PKD1L1: variants seen among roughly 807,000 people sequenced by gnomAD.
PKD1L1 encodes polycystin-1-like protein 1.
In PKD1L1, 236 loss-of-function variants were observed where a neutral mutation model predicts 323.4. The observed-to-expected ratio is 0.73, with a 90% CI of 0.66 to 0.81. The LOEUF is 0.81. Among genes scored for constraint, PKD1L1 ranks in the 40% least tolerant of loss-of-function variants. PKD1L1 has a pLI of 0.00. For missense variants in PKD1L1, 3,320 were observed against 3,508.0 expected, an observed-to-expected ratio of 0.95 and a Z score of 1.35; for synonymous variants, 1,344 against 1,335.0, an observed-to-expected ratio of 1.01 and a Z score of -0.15.
rs146531621 is a variant in PKD1L1 at position 47,878,555 on chromosome 7, C to A, written c.3521-924G>T. 2.6e-4 allele frequency among the ~76,000 whole-genome samples: 39 copies of A among 152,296 alleles called. No homozygotes were observed. The East Asian group carries it at 7.3e-3, about 29-fold the overall frequency. On this transcript the variant is annotated intron_variant, in intron 21 of 56. Transcript: ENST00000289672. Reference sequence around the variant, plus strand: ...TTATCTTATTTAACAGTCACATTAACCATGGAAGACAGATCTCATAACAAA... The same window carrying A: ...TTATCTTATTTAACAGTCACATTAAACATGGAAGACAGATCTCATAACAAA...
In PKD1L1 at chr7:47,812,026, G is replaced by A. The variant is rs1232542682; in HGVS notation, c.7372C>T (p.Arg2458Ter). Residue 2458 changes from arginine to a stop codon, truncating the protein, a stop_gained, in exon 50 of 57, where the codon CGA becomes TGA. Transcript: ENST00000289672. LOFTEE classifies it high-confidence loss of function. Reference protein sequence around the residue: ...TRTEAHTALSRLRASMWIDRS... With the variant: ...TRTEAHTALS ...TCAATCCACATGCTGGCCCTGAGTC[G>A]GGACAGGGCTGTGTGGGCTTCAGTC... 8 of 1,569,410 alleles carry A rather than the reference G, an allele frequency of 5.1e-6. No individual in the cohort carries two copies. Among genetic ancestry groups the A allele is most frequent in the East Asian group, 2.4e-5 (1 of 42,158 alleles).
Position 47,881,012 on chromosome 7 carries a change from G to A in PKD1L1, c.3443-207C>T, listed in dbSNP as rs1275938755. Among the ~76,000 whole-genome samples the A allele has an allele frequency of 2.0e-5, 3 of 151,848 alleles. No individual in the cohort carries two copies. In the East Asian group the frequency reaches 5.9e-4, roughly 30 times the overall value. ...CCTGCCCAACAGAAGCATTACTGAG[G>A]ATGGTCCATCCATCCCTGGCTCAGA... is the stretch of plus-strand genomic sequence containing the variant. On this transcript the variant is annotated intron_variant, in intron 20 of 56. Transcript: ENST00000289672.
Position 47,931,223 on chromosome 7 carries a change from C to A in PKD1L1, c.618G>T (p.Thr206=), listed in dbSNP as rs370757738. ...TCGTGACAGTCCCAGGAAGCAGCCCCGTGGCCACATCCTCCGCACAGCACA... is the reference window on the plus strand; with the variant it reads ...TCGTGACAGTCCCAGGAAGCAGCCCAGTGGCCACATCCTCCGCACAGCACA... ...RLLCCAEDVA[T]GLLPGTVTME... The change falls in exon 6 of 57, where the codon ACG becomes ACT. Residue 206 remains threonine (T), a synonymous_variant. Transcript: ENST00000289672. The A allele has an allele frequency of 9.0e-5, 145 of 1,614,120 alleles. No individual in the cohort carries two copies. Among genetic ancestry groups the A allele is most frequent in the Non-Finnish European group, 1.1e-4 (130 of 1,180,050 alleles).
chr7:47,807,083 G>T (rs1784794913), intron 52 of PKD1L1, among the ~76,000 whole-genome samples: 1 of 152,132 alleles, frequency 6.6e-6, no homozygotes, highest in African/African-American at 2.4e-5. Context: ...ATGCAGCCCA[G>T]GCTTCTGCTG....
intron 31 of PKD1L1, among the ~76,000 whole-genome samples, chr7:47,850,053 A>C (rs2128740333): frequency 6.6e-6 from 1 of 152,288 alleles, no homozygotes; most frequent in East Asian, 1.9e-4. Flanking sequence ...AAAAGACTAC[A>C]CATAGGGTGC....
chr7:47,948,107 G>C (rs577357591), intron 1 of PKD1L1, among the ~76,000 whole-genome samples: 1 of 152,166 alleles, frequency 6.6e-6, no homozygotes, highest in Admixed American at 6.5e-5. Context: ...GAAAGTCCTC[G>C]AACTTGGAAG....
chr7:47,775,662 A>C (rs912720115), intron 56 of PKD1L1, among the ~76,000 whole-genome samples: 5 of 152,312 alleles, frequency 3.3e-5, no homozygotes, highest in Non-Finnish European at 2.9e-5. Flanking sequence ...GTAGCACTAA[A>C]TGCCTATATT....
At chr7:47,906,264 A>C (rs1787204677) in intron 9 of PKD1L1, among the ~76,000 whole-genome samples, 1 of 152,206 alleles carries the variant, frequency 6.6e-6, no homozygotes, top group Admixed American at 6.5e-5. Flanking sequence ...TTGTTTTTAA[A>C]GTATTTCTCA....
chr7:47,903,318 T>C (rs138562931), intron 12 of PKD1L1, among the ~76,000 whole-genome samples: 1 of 151,990 alleles, frequency 6.6e-6, no homozygotes, highest in East Asian at 1.9e-4. Flanking sequence ...TTTTCTCAGG[T>C]TGTCAGAGCG....
intron 30 of PKD1L1, 75 bp downstream of exon 30, chr7:47,854,807 A>AT (rs758436950): frequency 5.6e-5 from 85 of 1,509,080 alleles, no homozygotes; most frequent in Non-Finnish European, 7.5e-5. Context: ...TAATTCACTG[A>AT]TTTTTTGTCA....
At chr7:47,817,483 AT>A (rs534069562) in intron 46 of PKD1L1, among the ~76,000 whole-genome samples, 6 of 152,362 alleles carry the variant, frequency 3.9e-5, no homozygotes, top group Admixed American at 3.9e-4. Context: ...TATTAAAAAA[AT>A]CAAAGACAAA....
chr7:47,798,067 A>G (rs1233595706), intron 54 of PKD1L1, among the ~76,000 whole-genome samples: 2 of 152,214 alleles, frequency 1.3e-5, no homozygotes, highest in Non-Finnish European at 2.9e-5. Context: ...CACCAACATG[A>G]TTTTTTAAAA....
intron 37 of PKD1L1, among the ~76,000 whole-genome samples, chr7:47,835,487 G>A (rs1785438813): frequency 6.6e-6 from 1 of 152,020 alleles, no homozygotes; most frequent in South Asian, 2.1e-4. Context: ...TGCGACCTCC[G>A]CCTCCCGGGT....
chr7:47,885,082 C>T (rs945189219), intron 18 of PKD1L1, among the ~76,000 whole-genome samples: 1 of 152,192 alleles, frequency 6.6e-6, no homozygotes, highest in African/African-American at 2.4e-5. Flanking sequence ...AATGTCGCCT[C>T]CTGTCCCCTC....
At chr7:47,777,477 C>T (rs1228003410) in intron 56 of PKD1L1, among the ~76,000 whole-genome samples, 2 of 152,234 alleles carry the variant, frequency 1.3e-5, no homozygotes, top group Admixed American at 1.3e-4. Context: ...GAGATGGCAT[C>T]TGCCCTACCT....
At chr7:47,790,455 C>T (rs1466853243) in intron 56 of PKD1L1, among the ~76,000 whole-genome samples, 1 of 151,710 alleles carries the variant, frequency 6.6e-6, no homozygotes, top group East Asian at 1.9e-4. Context: ...CTCAGCCTCC[C>T]GAGTAGCTGG....
At chr7:47,861,306 TA>T (rs1416865247) in intron 26 of PKD1L1, among the ~76,000 whole-genome samples, 1 of 152,224 alleles carries the variant, frequency 6.6e-6, no homozygotes, top group East Asian at 1.9e-4. Context: ...GTTGAAGTGC[TA>T]AAAACAAAGT....
rs1784942317 is a variant in PKD1L1, at chr7:47,813,293, G to A, written c.7174C>T (p.Pro2392Ser). 6.2e-7 allele frequency: 1 copy of A among 1,614,026 alleles called. No individual in the cohort carries two copies. The highest frequency in any genetic ancestry group is 1.1e-5 in the South Asian group (1 of 91,040). Reference sequence around the variant, plus strand: ...ATGAGTGCTGAAAATGGCCTGGGAGGCTGCAGAACAAACCAGCAGTCAGAA... The same window carrying A: ...ATGAGTGCTGAAAATGGCCTGGGAGACTGCAGAACAAACCAGCAGTCAGAA... ...LKVFPRHLCKPPRPFSALIED... is the reference protein window; with the variant it reads ...LKVFPRHLCKSPRPFSALIED... The change falls in exon 49 of 57, where the codon CCT (proline) becomes TCT (serine). Residue 2392 changes from proline (P) to serine (S), a missense_variant and splice_region_variant. Coordinates refer to ENST00000289672, the MANE Select transcript of PKD1L1 (RefSeq NM_138295.5).
chr7:47,778,935 T>C (rs969949220), intron 56 of PKD1L1, among the ~76,000 whole-genome samples: 1 of 152,220 alleles, frequency 6.6e-6, no homozygotes, highest in African/African-American at 2.4e-5. Context: ...GGCGATCATA[T>C]CGTTTTTAAA....
Sources: gnomAD v4.1 joint callset for allele counts (sites outside exome capture counted in the v4.1 genomes callset) on GRCh38, gnomAD v4.1.1 for gene constraint, MANE v1.5 for transcripts, NCBI Gene and HGNC (gene_info 2026-07-23, HGNC 2026-07-21) for gene names.